SPTLC2: variants seen among roughly 807,000 people sequenced by gnomAD.
SPTLC2 encodes serine palmitoyltransferase long chain base subunit 2, also known as serine palmitoyltransferase 2.
In SPTLC2, 21 loss-of-function variants were observed where a neutral mutation model predicts 62.0. That is an observed-to-expected ratio of 0.34 (90% CI 0.24 to 0.49). The LOEUF (loss-of-function observed/expected upper bound fraction) is 0.49. Among genes scored for constraint, SPTLC2 ranks in the 20% least tolerant of loss-of-function variants. The pLI is 0.99. For missense variants in SPTLC2, 511 were observed against 713.0 expected, an observed-to-expected ratio of 0.72 and a Z score of 3.23; for synonymous variants, 261 against 261.8, an observed-to-expected ratio of 1.00 and a Z score of 0.03.
rs767270139 is a variant in SPTLC2 at position 77,570,371 on chromosome 14, C to T, written c.756+13G>A. ...TACATGAGGGAGTTTTCATAAATGACAGAGTATCTTACTTTGCCAACAAGA... is the reference window on the plus strand; with the variant it reads ...TACATGAGGGAGTTTTCATAAATGATAGAGTATCTTACTTTGCCAACAAGA... On this transcript the variant is annotated intron_variant, in intron 5 of 11. Transcript: ENST00000216484. The T allele has an allele frequency of 1.9e-6, 3 of 1,611,924 alleles. No homozygotes were observed. The highest frequency in any genetic ancestry group is 1.1e-5 in the South Asian group (1 of 91,072).
At chr14:77,595,078 T>C (rs1004498438) in intron 2 of SPTLC2, among the ~76,000 whole-genome samples, 2 of 152,072 alleles carry the variant, frequency 1.3e-5, no homozygotes, top group African/African-American at 4.8e-5. Context: ...GTATTAAAAA[T>C]GTGGGCCAGG....
At chr14:77,546,856 A>T (rs939635794) in intron 9 of SPTLC2, among the ~76,000 whole-genome samples, 3 of 152,148 alleles carry the variant, frequency 2.0e-5, no homozygotes, top group Non-Finnish European at 1.5e-5. Flanking sequence ...CAGCCTCCCA[A>T]GTAGCTGAGA....
chr14:77,535,283 T>C (rs905626789), intron 9 of SPTLC2, among the ~76,000 whole-genome samples: 1 of 152,128 alleles, frequency 6.6e-6, no homozygotes, highest in African/African-American at 2.4e-5. Flanking sequence ...ACCCAGCATA[T>C]GCAAGAAATA....
intron 1 of SPTLC2, among the ~76,000 whole-genome samples, chr14:77,607,520 G>T (rs2079911556): frequency 6.6e-6 from 1 of 151,736 alleles, no homozygotes; most frequent in Non-Finnish European, 1.5e-5. Context: ...TAATTCCATG[G>T]CTTTCCAATG....
intron 9 of SPTLC2, chr14:77,547,842 C>A (rs1234756843): frequency 6.6e-6 from 1 of 150,536 alleles, no homozygotes; most frequent in Non-Finnish European, 1.5e-5. Flanking sequence ...GCTGGGACTC[C>A]AGGCATGTGC....
intron 2 of SPTLC2, among the ~76,000 whole-genome samples, chr14:77,583,078 C>T (rs2079760988): frequency 6.6e-6 from 1 of 151,932 alleles, no homozygotes; most frequent in Non-Finnish European, 1.5e-5. Flanking sequence ...CATGTGCCTG[C>T]AGTCCCAGCA....
intron 1 of SPTLC2, among the ~76,000 whole-genome samples, chr14:77,608,872 C>T (rs926724985): frequency 6.6e-6 from 1 of 150,606 alleles, no homozygotes; most frequent in African/African-American, 2.4e-5. Flanking sequence ...GAGCCGAGAT[C>T]ACATCACTGC....
At chr14:77,546,776 C>G (rs2079530466) in intron 9 of SPTLC2, among the ~76,000 whole-genome samples, 1 of 151,166 alleles carries the variant, frequency 6.6e-6, no homozygotes, top group South Asian at 2.1e-4. Context: ...GCTCTTGTTG[C>G]CCAGGTTGGA....
intron 9 of SPTLC2, among the ~76,000 whole-genome samples, chr14:77,547,000 G>A (rs2079531752): frequency 6.6e-6 from 1 of 152,042 alleles, no homozygotes; most frequent in African/African-American, 2.4e-5. Flanking sequence ...AAAGTGCTGG[G>A]ATTACAGGCA....
intron 9 of SPTLC2, among the ~76,000 whole-genome samples, chr14:77,535,430 G>T (rs1453486290): frequency 3.3e-5 from 5 of 152,090 alleles, no homozygotes; most frequent in Non-Finnish European, 7.3e-5. Context: ...AGATAGATAT[G>T]ATCTCCCATC....
intron 9 of SPTLC2, among the ~76,000 whole-genome samples, chr14:77,536,775 T>C (rs2079473268): frequency 6.6e-6 from 1 of 152,112 alleles, no homozygotes; most frequent in Middle Eastern, 3.2e-3. Flanking sequence ...ATTAGATCAG[T>C]GGTAAAGATA....
At chr14:77,601,067 C>T (rs2140059250) in intron 1 of SPTLC2, among the ~76,000 whole-genome samples, 1 of 152,284 alleles carries the variant, frequency 6.6e-6, no homozygotes, top group East Asian at 1.9e-4. Flanking sequence ...TAGGGTGGGA[C>T]AAGATGGCAT....
intron 1 of SPTLC2, among the ~76,000 whole-genome samples, chr14:77,613,582 T>A (rs1393389582): frequency 1.3e-5 from 2 of 152,214 alleles, no homozygotes; most frequent in Non-Finnish European, 2.9e-5. Flanking sequence ...CATTCATTCA[T>A]CTCTTCAAGC....
intron 5 of SPTLC2, among the ~76,000 whole-genome samples, chr14:77,569,770 T>G (rs553401472): frequency 1.1e-5 from 1 of 90,024 alleles, no homozygotes; most frequent in Admixed American, 1.3e-4. Flanking sequence ...ATATATTATA[T>G]ATATAATATG....
At chr14:77,572,397 G>A (rs1260831154) in intron 4 of SPTLC2, among the ~76,000 whole-genome samples, 1 of 152,194 alleles carries the variant, frequency 6.6e-6, no homozygotes, top group East Asian at 1.9e-4. Context: ...GAAGGATGAT[G>A]CTACGGGTTC....
In SPTLC2 at chr14:77,512,405, TA is replaced by T; in HGVS notation, c.1570-3del. Reference sequence around the variant, plus strand: ...AACTTCATCTATCTCCTTTAAAGCCTAAAATACACAAGACAAAGTAGAGGTC... The same window carrying T: ...AACTTCATCTATCTCCTTTAAAGCCTAAATACACAAGACAAAGTAGAGGTC... On this transcript the variant is annotated splice_region_variant and splice_polypyrimidine_tract_variant and intron_variant, in intron 11 of 11. Transcript: ENST00000216484. 3 of 1,614,224 alleles carry T rather than the reference TA, an allele frequency of 1.9e-6. No individual in the cohort carries two copies. Among genetic ancestry groups the T allele is most frequent in the Non-Finnish European group, 2.5e-6 (3 of 1,180,024 alleles).
intron 9 of SPTLC2, among the ~76,000 whole-genome samples, chr14:77,549,855 T>C (rs2079547075): frequency 1.3e-5 from 2 of 152,252 alleles, no homozygotes; most frequent in South Asian, 2.1e-4. Flanking sequence ...CTGGGGGTAA[T>C]GTGTCACACA....
chr14:77,515,643 AGATTCAAGT>A (rs2079355267), intron 11 of SPTLC2, among the ~76,000 whole-genome samples: 3 of 142,204 alleles, frequency 2.1e-5, no homozygotes, highest in Admixed American at 1.5e-4. Context: ...TCCGCCTCCC[AGATTCAAGT>A]GGTTCTTCCG....
At position 77,506,267 on chromosome 14, in the gene SPTLC2, T is replaced by G. The variant is rs901249295; in HGVS notation, c.*6017A>C. 14 of 152,196 alleles carry G rather than the reference T, an allele frequency of 9.2e-5. No homozygotes were observed. The highest frequency in any genetic ancestry group is 4.6e-4 in the Admixed American group (7 of 15,272). The allele number at this position is 152,196 out of a possible 1,614,324, so 9.4% of individuals were successfully genotyped here. ...TTAAGCTTTTATTTACACATCCCCT[T>G]CTCTCAGTTTCCCAGGTTATATGAA... On this transcript the variant is annotated 3_prime_UTR_variant, in exon 12 of 12. Coordinates refer to ENST00000216484, the MANE Select transcript of SPTLC2 (RefSeq NM_004863.4).
Sources: gnomAD v4.1 joint callset for allele counts (sites outside exome capture counted in the v4.1 genomes callset) on GRCh38, gnomAD v4.1.1 for gene constraint, MANE v1.5 for transcripts, NCBI Gene and HGNC (gene_info 2026-07-23, HGNC 2026-07-21) for gene names.